TMEM117: variants seen among roughly 807,000 people sequenced by gnomAD.
TMEM117 encodes transmembrane protein 117.
In TMEM117, 27 loss-of-function variants were observed where a neutral mutation model predicts 52.4. The observed-to-expected ratio is 0.51, with a 90% CI of 0.38 to 0.71. TMEM117 has a LOEUF of 0.71. Ranked by LOEUF, TMEM117 falls within the 30% of genes least tolerant of loss-of-function variation. The pLI, the probability that TMEM117 is intolerant of heterozygous loss-of-function variation, is 0.00. For missense variants in TMEM117, 556 were observed against 630.5 expected (o/e 0.88, Z 1.26); for synonymous variants, 215 against 206.3 (o/e 1.04, Z -0.36).
At chr12:44,123,962 A>G (rs1948280193) in intron 3 of TMEM117, among the ~76,000 whole-genome samples, 1 of 152,166 alleles carries the variant, frequency 6.6e-6, no homozygotes, top group Non-Finnish European at 1.5e-5. Context: ...ATTTAATGGG[A>G]ATAGAATTTA....
At chr12:44,266,755 T>C (rs1950382807) in intron 5 of TMEM117, among the ~76,000 whole-genome samples, 1 of 152,156 alleles carries the variant, frequency 6.6e-6, no homozygotes, top group African/African-American at 2.4e-5. Context: ...TTAGCTCTTA[T>C]ATTTAGGTTG....
chr12:44,090,497 C>T (rs1276794280), intron 3 of TMEM117, among the ~76,000 whole-genome samples: 2 of 151,382 alleles, frequency 1.3e-5, no homozygotes, highest in East Asian at 3.9e-4. Context: ...AGTGCAGTGG[C>T]ACAATCTCGG....
Position 44,057,366 on chromosome 12 carries a change from C to T in TMEM117, c.411-86159C>T, listed in dbSNP as rs144929759. On this transcript the variant is annotated intron_variant, in intron 3 of 7. Coordinates refer to ENST00000266534, the MANE Select transcript of TMEM117 (RefSeq NM_032256.3). ...GTGGGAGACAAATAATATACAAACA[C>T]GTAAAATAATGACAGACTGGGTATA... Among the ~76,000 whole-genome samples, 154 of 152,092 alleles carry T rather than the reference C, an allele frequency of 1.0e-3. 4 individuals carry two copies. The East Asian group carries it at 0.026, about 26-fold the overall frequency.
intron 5 of TMEM117, among the ~76,000 whole-genome samples, chr12:44,295,129 A>G (rs1950751597): frequency 6.6e-6 from 1 of 151,886 alleles, no homozygotes; most frequent in Admixed American, 6.6e-5. Context: ...TTCTCCTGTG[A>G]CTTTCATAAA....
At chr12:44,023,997 C>G (rs1946493558) in intron 3 of TMEM117, among the ~76,000 whole-genome samples, 1 of 151,994 alleles carries the variant, frequency 6.6e-6, no homozygotes, top group Non-Finnish European at 1.5e-5. Context: ...ATGGATTTAA[C>G]TATTATTATT....
intron 7 of TMEM117, among the ~76,000 whole-genome samples, chr12:44,381,669 A>G (rs1952022639): frequency 6.6e-6 from 1 of 152,216 alleles, no homozygotes; most frequent in Non-Finnish European, 1.5e-5. Flanking sequence ...ACAAGCCTGT[A>G]TAGTGTCTGT....
chr12:44,330,593 A>G (rs1183936250), intron 6 of TMEM117, among the ~76,000 whole-genome samples: 4 of 152,042 alleles, frequency 2.6e-5, no homozygotes, highest in Admixed American at 2.6e-4. Flanking sequence ...CTTATAGCAC[A>G]TCTCATTTCT....
At chr12:44,242,856 T>C (rs1256656488) in intron 5 of TMEM117, among the ~76,000 whole-genome samples, 1 of 151,702 alleles carries the variant, frequency 6.6e-6, no homozygotes, top group African/African-American at 2.4e-5. Flanking sequence ...TCCATAATGG[T>C]TGAACTAATT....
chr12:43,824,969 T>A, the TMEM117 span, among the ~76,000 whole-genome samples: 1 of 152,216 alleles, frequency 6.6e-6, no homozygotes, highest in East Asian at 1.9e-4. Context: ...GAAAACCCTG[T>A]GGTAGGGTGC....
rs141909594 is a variant in TMEM117, at chr12:44,324,894, A to G, written c.768+25155A>G. The stretch of plus-strand genomic sequence containing the variant: ...TATTTATGGTGCAGCAATGAACAAG[A>G]TATGGTGATTATTTTCTTGAGATAA... On this transcript the variant is annotated intron_variant, in intron 6 of 7. Transcript: ENST00000266534. Among the ~76,000 whole-genome samples the G allele has an allele frequency of 3.3e-5, 5 of 152,240 alleles. No homozygotes were observed. In the East Asian group the frequency reaches 7.7e-4, roughly 24 times the overall value.
At chr12:44,345,198 C>T (rs1171560062) in intron 6 of TMEM117, among the ~76,000 whole-genome samples, 1 of 152,036 alleles carries the variant, frequency 6.6e-6, no homozygotes, top group African/African-American at 2.4e-5. Context: ...CAGTGGGACT[C>T]ACTGTCAGAA....
At chr12:44,390,928 C>T (rs75246604), downstream of TMEM117, among the ~76,000 whole-genome samples, 56 of 152,146 alleles carry the variant, frequency 3.7e-4, no homozygotes, top group African/African-American at 1.1e-3. Flanking sequence ...GACTGAGACT[C>T]TACAGAGATT....
chr12:44,359,617 T>C (rs747936547), intron 6 of TMEM117, among the ~76,000 whole-genome samples: 9 of 152,074 alleles, frequency 5.9e-5, no homozygotes, highest in Non-Finnish European at 1.3e-4. Context: ...TAAATAACAA[T>C]AGATTGAAAA....
chr12:44,286,373 A>T (rs1565674568), intron 5 of TMEM117, among the ~76,000 whole-genome samples: 1 of 151,642 alleles, frequency 6.6e-6, no homozygotes, highest in East Asian at 1.9e-4. Context: ...TGAAGTTTCT[A>T]TTTTTGATAG....
At chr12:44,059,578 T>A (rs1323332093) in intron 3 of TMEM117, among the ~76,000 whole-genome samples, 1 of 152,204 alleles carries the variant, frequency 6.6e-6, no homozygotes, top group Non-Finnish European at 1.5e-5. Flanking sequence ...TTACAAAAGT[T>A]TGCACCATTC....
At chr12:43,976,470 A>AT (rs1343635317) in intron 3 of TMEM117, among the ~76,000 whole-genome samples, 2 of 152,164 alleles carry the variant, frequency 1.3e-5, no homozygotes, top group Non-Finnish European at 2.9e-5. Flanking sequence ...AGCAAACACA[A>AT]TTTGTGGGTA....
intron 3 of TMEM117, among the ~76,000 whole-genome samples, chr12:44,137,399 A>G (rs1948506752): frequency 6.6e-6 from 1 of 152,084 alleles, no homozygotes; most frequent in Admixed American, 6.6e-5. Context: ...TATTGGTGAG[A>G]TTGATTTCCT....
chr12:44,314,182 A>T (rs76649382), intron 6 of TMEM117, among the ~76,000 whole-genome samples: 11 of 152,132 alleles, frequency 7.2e-5, no homozygotes, highest in African/African-American at 2.7e-4. Context: ...TCCAGTTCTC[A>T]TGGGGAATAC....
chr12:44,039,572 A>G (rs1412035455), intron 3 of TMEM117, among the ~76,000 whole-genome samples: 2 of 151,996 alleles, frequency 1.3e-5, no homozygotes, highest in Non-Finnish European at 2.9e-5. Flanking sequence ...AATTTGTGAT[A>G]AAGTTACAGA....
Sources: allele counts gnomAD v4.1 joint callset (sites outside exome capture counted in the v4.1 genomes callset), GRCh38; gene constraint gnomAD v4.1.1; transcripts MANE v1.5; gene names NCBI Gene and HGNC (gene_info 2026-07-23, HGNC 2026-07-21).